Variants in FRMD3 observed in about 807,000 individuals in gnomAD.
FRMD3 encodes the protein FERM domain containing 3, also known as FERM domain-containing protein 3.
In FRMD3, 33 loss-of-function variants were observed where a neutral mutation model predicts 70.2. That is an observed-to-expected ratio of 0.47 (90% CI 0.36 to 0.63). FRMD3 has a LOEUF of 0.63. Among genes scored for constraint, FRMD3 ranks in the 20% least tolerant of loss-of-function variants. The probability of loss-of-function intolerance (pLI) is 0.00; values close to 1 mark genes in which losing one functional copy is unlikely to be tolerated. For synonymous variants in FRMD3, 279 were observed against 255.9 expected (o/e 1.09, Z -0.86); for missense variants, 632 against 711.4 (o/e 0.89, Z 1.27).
At chr9:83,282,315 G>C (rs933647017) in intron 13 of FRMD3, among the ~76,000 whole-genome samples, 1 of 152,136 alleles carries the variant, frequency 6.6e-6, no homozygotes, top group Non-Finnish European at 1.5e-5. Context: ...TTCAAAAGAG[G>C]CAAAATGGAG....
chr9:83,291,121 C>A (rs1361134880), intron 12 of FRMD3, among the ~76,000 whole-genome samples: 2 of 152,112 alleles, frequency 1.3e-5, no homozygotes, highest in African/African-American at 2.4e-5. Flanking sequence ...TAACAACCAC[C>A]AACAAACAAA....
rs559099967 is a variant in FRMD3 at position 83,512,972 on chromosome 9, A to G, written c.147+25113T>C. 2.6e-5 allele frequency among the ~76,000 whole-genome samples: 4 copies of G among 152,342 alleles called. No homozygotes were observed. The East Asian group carries it at 5.8e-4, about 22-fold the overall frequency. ...CTGTGAAGCAGGGAAATAAAATGAC[A>G]CGATGAAAGAAGTGGTAAAGACACT... On this transcript the variant is annotated intron_variant, in intron 1 of 13. Transcript: ENST00000304195.
At chr9:83,468,280 A>ACTT (rs1828183807) in intron 1 of FRMD3, among the ~76,000 whole-genome samples, 2 of 152,216 alleles carry the variant, frequency 1.3e-5, no homozygotes, top group African/African-American at 4.8e-5. Context: ...AATAGATGTG[A>ACTT]CTTAAGTCAT....
chr9:83,555,039 C>A, the FRMD3 span, among the ~76,000 whole-genome samples: 1 of 152,178 alleles, frequency 6.6e-6, no homozygotes, highest in Non-Finnish European at 1.5e-5. Context: ...TGGCCCAAAG[C>A]CACCTATAAG....
chr9:83,522,963 CT>C (rs1353783394), intron 1 of FRMD3, among the ~76,000 whole-genome samples: 5 of 151,904 alleles, frequency 3.3e-5, no homozygotes, highest in Non-Finnish European at 7.4e-5. Context: ...CTATTGGCCC[CT>C]TTATGAGCTC....
At chr9:83,283,486 G>A (rs537660219) in intron 13 of FRMD3, among the ~76,000 whole-genome samples, 2 of 149,026 alleles carry the variant, frequency 1.3e-5, no homozygotes, top group African/African-American at 2.5e-5. Context: ...AGCCGAGATC[G>A]CACCACTACA....
the FRMD3 span, among the ~76,000 whole-genome samples, chr9:83,551,569 C>T: frequency 1.3e-5 from 2 of 152,120 alleles, no homozygotes; most frequent in Admixed American, 6.5e-5. Flanking sequence ...CTTCTTTGTA[C>T]ATCTAGTAGA....
intron 1 of FRMD3, among the ~76,000 whole-genome samples, chr9:83,471,398 C>T (rs1327593641): frequency 6.6e-6 from 1 of 152,224 alleles, no homozygotes; most frequent in Non-Finnish European, 1.5e-5. Flanking sequence ...TCTAGCGTTA[C>T]ACAATAATGC....
At chr9:83,442,489 C>A (rs559426172) in intron 1 of FRMD3, among the ~76,000 whole-genome samples, 1 of 152,114 alleles carries the variant, frequency 6.6e-6, no homozygotes, top group South Asian at 2.1e-4. Flanking sequence ...AACTCCTGAC[C>A]TCAAGTGATC....
chr9:83,549,099 C>T, the FRMD3 span, among the ~76,000 whole-genome samples: 1 of 152,112 alleles, frequency 6.6e-6, no homozygotes, highest in East Asian at 1.9e-4. Flanking sequence ...CCTTCTCCCT[C>T]CTTGTAACCT....
intron 1 of FRMD3, among the ~76,000 whole-genome samples, chr9:83,445,083 T>C (rs1008877016): frequency 6.6e-6 from 1 of 152,316 alleles, no homozygotes; most frequent in African/African-American, 2.4e-5. Context: ...CTATTAGATA[T>C]AAATTAATAA....
intron 5 of FRMD3, among the ~76,000 whole-genome samples, chr9:83,338,571 A>T (rs1459036675): frequency 6.6e-6 from 1 of 152,234 alleles, no homozygotes; most frequent in Non-Finnish European, 1.5e-5. Flanking sequence ...AGATGTACGT[A>T]TGCAATATGG....
At chr9:83,321,789 T>A (rs1447075341) in intron 6 of FRMD3, among the ~76,000 whole-genome samples, 2 of 152,224 alleles carry the variant, frequency 1.3e-5, no homozygotes, top group Non-Finnish European at 2.9e-5. Context: ...AACTTCCCAC[T>A]ATTGTTGTAT....
At chr9:83,315,843 G>T (rs1461669809) in intron 6 of FRMD3, among the ~76,000 whole-genome samples, 1 of 152,170 alleles carries the variant, frequency 6.6e-6, no homozygotes, top group Non-Finnish European at 1.5e-5. Context: ...TGCTGCCCAT[G>T]ACTCAGCACA....
intron 5 of FRMD3, among the ~76,000 whole-genome samples, chr9:83,338,092 T>C (rs770898500): frequency 2.0e-5 from 3 of 151,978 alleles, no homozygotes; most frequent in Non-Finnish European, 2.9e-5. Flanking sequence ...AATAGAGAAA[T>C]GGTCAAAGGA....
intron 1 of FRMD3, among the ~76,000 whole-genome samples, chr9:83,394,689 C>T (rs1825763597): frequency 6.6e-6 from 1 of 152,136 alleles, no homozygotes; most frequent in Non-Finnish European, 1.5e-5. Flanking sequence ...GTCAGGAGAG[C>T]TTATCATTCT....
intron 13 of FRMD3, chr9:83,267,016 G>A (rs1587648804): frequency 6.4e-7 from 1 of 1,550,878 alleles, no homozygotes; most frequent in Middle Eastern, 1.7e-4. Context: ...ACATACCAGT[G>A]TTACGAGCTG....
chr9:83,345,385 A>G (rs1405421696), intron 4 of FRMD3, among the ~76,000 whole-genome samples: 1 of 152,180 alleles, frequency 6.6e-6, no homozygotes, highest in Non-Finnish European at 1.5e-5. Context: ...TAACGTGCAC[A>G]TGAATTACTT....
chr9:83,526,651 G>A (rs989894509), intron 1 of FRMD3, among the ~76,000 whole-genome samples: 2 of 151,996 alleles, frequency 1.3e-5, no homozygotes, highest in East Asian at 1.9e-4. Flanking sequence ...TTTCATCCTC[G>A]CATCACTATC....
Sources: gnomAD v4.1 joint callset for allele counts (sites outside exome capture counted in the v4.1 genomes callset) on GRCh38, gnomAD v4.1.1 for gene constraint, MANE v1.5 for transcripts, NCBI Gene and HGNC (gene_info 2026-07-23, HGNC 2026-07-21) for gene names.